LARS1: variants seen among roughly 807,000 people sequenced by gnomAD.
The protein encoded by LARS1 is leucyl-tRNA synthetase 1, also known as leucine--tRNA ligase, cytoplasmic.
In LARS1, 100 loss-of-function variants were observed where a neutral mutation model predicts 162.8. That is an observed-to-expected ratio of 0.61 (90% CI 0.52 to 0.73). The LOEUF (loss-of-function observed/expected upper bound fraction) is 0.73, where lower values mean the gene tolerates loss of function less well. Ranked by LOEUF, LARS1 falls within the 30% of genes least tolerant of loss-of-function variation. The pLI, the probability that LARS1 is intolerant of heterozygous loss-of-function variation, is 0.00. For missense variants in LARS1, 1,258 were observed against 1,408.9 expected (o/e 0.89, Z 1.71); for synonymous variants, 457 against 462.8 (o/e 0.99, Z 0.16).
At chr5:146,125,000 T>TATACAC (rs1554126659) in intron 28 of LARS1, among the ~76,000 whole-genome samples, 1 of 134,876 alleles carries the variant, frequency 7.4e-6, no homozygotes, top group Non-Finnish European at 1.7e-5. Context: ...AATATCATTT[T>TATACAC]ATACACACAC....
rs548368692 is a variant in LARS1 at position 146,177,433 on chromosome 5, T to A, written c.125+114A>T. Reference sequence around the variant, plus strand: ...GTGAGCCGAGATTGCGCCACTGCACTCCAGCCTGGGCGACAGAGCAAGACT... The same window carrying A: ...GTGAGCCGAGATTGCGCCACTGCACACCAGCCTGGGCGACAGAGCAAGACT... On this transcript the variant is annotated intron_variant, in intron 2 of 31. Transcript: ENST00000394434. 2.9e-3 allele frequency: 375 copies of A among 128,022 alleles called. 1 individual carries two copies. Among genetic ancestry groups the A allele is most frequent in the African/African-American group, 0.012 (356 of 30,784 alleles). 7.9% of individuals were successfully genotyped at this position (128,022 alleles called of 1,614,324 possible).
At chr5:146,172,212 T>A (rs937658369) in intron 3 of LARS1, among the ~76,000 whole-genome samples, 2 of 152,040 alleles carry the variant, frequency 1.3e-5, no homozygotes, top group Admixed American at 6.6e-5. Flanking sequence ...AAAAATTAAA[T>A]ATAAAAATTA....
rs1047561473 is a variant in LARS1, at chr5:146,113,060, T to C, written c.*1046A>G. ...AATAGTCAGCATGACCTCTATTTTA[T>C]TGATTGATTGATGGATTGATTGAGA... On this transcript the variant is annotated 3_prime_UTR_variant, in exon 32 of 32. Coordinates refer to ENST00000394434, the MANE Select transcript of LARS1 (RefSeq NM_020117.11). 2.0e-5 allele frequency: 3 copies of C among 152,162 alleles called. No individual in the cohort carries two copies. Among genetic ancestry groups the C allele is most frequent in the East Asian group, 1.9e-4 (1 of 5,192 alleles). The allele number at this position is 152,162 out of a possible 1,614,324, so 9.4% of individuals were successfully genotyped here.
intron 4 of LARS1, among the ~76,000 whole-genome samples, chr5:146,171,079 G>A (rs1216623055): frequency 1.4e-5 from 2 of 146,490 alleles, no homozygotes; most frequent in Admixed American, 6.8e-5. Flanking sequence ...GCAGAAGGCC[G>A]GGCATGGTGG....
At chr5:146,172,387 G>A (rs557841555) in intron 3 of LARS1, among the ~76,000 whole-genome samples, 12 of 151,956 alleles carry the variant, frequency 7.9e-5, no homozygotes, top group East Asian at 1.9e-4. Context: ...GTGGTGGTGC[G>A]TGCCTGTAGT....
chr5:146,157,119 G>C (rs1753563761), intron 10 of LARS1, among the ~76,000 whole-genome samples: 1 of 152,146 alleles, frequency 6.6e-6, no homozygotes, highest in Non-Finnish European at 1.5e-5. Context: ...ACTAATCTTT[G>C]GTGAAGTCAG....
intron 27 of LARS1, among the ~76,000 whole-genome samples, chr5:146,127,489 A>G (rs1561799676): frequency 1.3e-5 from 2 of 152,074 alleles, no homozygotes; most frequent in South Asian, 4.1e-4. Context: ...ACTGTTTTCA[A>G]TTATCTAGCA....
At chr5:146,167,119 A>C (rs1397635396) in intron 5 of LARS1, among the ~76,000 whole-genome samples, 4 of 152,190 alleles carry the variant, frequency 2.6e-5, no homozygotes, top group Admixed American at 2.6e-4. Flanking sequence ...AAGAAAACGA[A>C]AGACAGAAAA....
chr5:146,182,312 C>A (rs1754906825), intron 1 of LARS1, 176 bp downstream of exon 1: 2 of 740,992 alleles, frequency 2.7e-6, no homozygotes, highest in Admixed American at 4.5e-5. Context: ...AGTTAACAGA[C>A]ATCAGTTCGT....
At chr5:146,175,636 G>A (rs567345192) in intron 2 of LARS1, among the ~76,000 whole-genome samples, 98 of 151,590 alleles carry the variant, frequency 6.5e-4, no homozygotes, top group African/African-American at 2.2e-3. Flanking sequence ...TCAGGAGATC[G>A]AGACCACAAT....
intron 7 of LARS1, 21 bp from the exon 8 acceptor site, chr5:146,159,491 G>A: frequency 6.4e-7 from 1 of 1,560,440 alleles, no homozygotes; most frequent in Non-Finnish European, 8.8e-7. Context: ...AACAAAAAGT[G>A]ACAAACATTA....
rs1752165929 is a variant in LARS1, at chr5:146,129,068, T to C, written c.2679A>G (p.Glu893=). ...ASWPVAGPVN[E]VLIHSSQYLM... is the part of the protein sequence containing the mutation. ...GATACTGTGAGGAGTGTATTAAAAC[T>C]TCATTAACAGGACCTGCCACAGGCC... The change falls in exon 26 of 32, where the codon GAA becomes GAG. Residue 893 remains glutamate (E), a synonymous_variant. Transcript: ENST00000394434. 6.2e-7 allele frequency: 1 copy of C among 1,610,226 alleles called. No homozygotes were observed. Among genetic ancestry groups the C allele is most frequent in the Admixed American group, 1.7e-5 (1 of 59,532 alleles).
intron 3 of LARS1, 48 bp from the exon 4 acceptor site, chr5:146,172,038 A>C: frequency 1.4e-6 from 2 of 1,458,234 alleles, no homozygotes; most frequent in Non-Finnish European, 9.6e-7. Context: ...ATGCCAGACA[A>C]ATACAAAATG....
intron 5 of LARS1, among the ~76,000 whole-genome samples, 193 bp downstream of exon 5, chr5:146,167,935 C>A (rs534280346): frequency 2.0e-5 from 3 of 151,396 alleles, no homozygotes; most frequent in Admixed American, 2.0e-4. Flanking sequence ...CTGCCTGCCT[C>A]GGCCTCCCAA....
At chr5:146,122,301 C>T (rs1355250556) in intron 30 of LARS1, among the ~76,000 whole-genome samples, 191 bp downstream of exon 30, 1 of 152,104 alleles carries the variant, frequency 6.6e-6, no homozygotes, top group East Asian at 1.9e-4. Flanking sequence ...AAGTATTGCA[C>T]TGACCAAGGA....
At chr5:146,160,343 G>T in intron 7 of LARS1, 31 bp downstream of exon 7, 4 of 1,261,924 alleles carry the variant, frequency 3.2e-6, no homozygotes, top group South Asian at 1.4e-5. Context: ...ACTGATTTTT[G>T]CTTTATTATG....
In LARS1 at chr5:146,133,076, G is replaced by T. The variant is rs751280678; in HGVS notation, c.2218C>A (p.Arg740Ser). 1 of 1,610,754 alleles carries T rather than the reference G, an allele frequency of 6.2e-7. No homozygotes were observed. The highest frequency in any genetic ancestry group is 2.2e-5 in the East Asian group (1 of 44,856). ...AIDKFSADGM[R>S]LALADAGDTV... ...TCACCAGCATCAGCCAGAGCCAAACGCATTCCTGGAAGAAGAAAAAAAAAT... is the reference window on the plus strand; with the variant it reads ...TCACCAGCATCAGCCAGAGCCAAACTCATTCCTGGAAGAAGAAAAAAAAAT... Residue 740 changes from arginine (R) to serine (S), a missense_variant, in exon 23 of 32, where the codon CGT (arginine) becomes AGT (serine). Transcript: ENST00000394434.
intron 21 of LARS1, chr5:146,139,067 G>A (rs1459200038): frequency 1.7e-5 from 5 of 294,832 alleles, no homozygotes; most frequent in Non-Finnish European, 2.6e-5. Context: ...AAATGGCCGA[G>A]TGCAGTGGCT....
At chr5:146,132,806 A>C in intron 23 of LARS1, 92 bp downstream of exon 23, 1 of 521,236 alleles carries the variant, frequency 1.9e-6, no homozygotes, top group Admixed American at 6.1e-5. Flanking sequence ...TATTTTATTA[A>C]AAAAAAAAAA....
Sources: gnomAD v4.1 joint callset for allele counts (sites outside exome capture counted in the v4.1 genomes callset) on GRCh38, gnomAD v4.1.1 for gene constraint, MANE v1.5 for transcripts, NCBI Gene and HGNC (gene_info 2026-07-23, HGNC 2026-07-21) for gene names.